ARFGAP3: variants seen among roughly 807,000 people sequenced by gnomAD.
ARFGAP3 encodes ADP-ribosylation factor GTPase-activating protein 3.
In ARFGAP3, 72 loss-of-function variants were observed where a neutral mutation model predicts 75.0. That is an observed-to-expected ratio of 0.96 (90% CI 0.79 to 1.17). ARFGAP3 has a LOEUF of 1.17. Ranked by LOEUF, ARFGAP3 falls within the 50% of genes most tolerant of loss-of-function variation. The pLI, the probability that ARFGAP3 is intolerant of heterozygous loss-of-function variation, is 0.00. For missense variants in ARFGAP3, 620 were observed against 626.6 expected (o/e 0.99, Z 0.11); for synonymous variants, 221 against 217.9 (o/e 1.01, Z -0.13).
intron 11 of ARFGAP3, among the ~76,000 whole-genome samples, chr22:42,812,211 T>G (rs1372174683): frequency 2.2e-4 from 16 of 73,388 alleles, no homozygotes; most frequent in Non-Finnish European, 1.9e-4. Context: ...GGTGACAGAG[T>G]GGGATACTGT....
intron 3 of ARFGAP3, among the ~76,000 whole-genome samples, chr22:42,836,263 A>G (rs1335990429): frequency 6.6e-6 from 1 of 152,100 alleles, no homozygotes; most frequent in African/African-American, 2.4e-5. Flanking sequence ...GGCGTGAGCC[A>G]CCGCTCCTGG....
In ARFGAP3 at chr22:42,799,165, A is replaced by G. The variant is rs377351161; in HGVS notation, c.1412-5T>C. 2.5e-6 allele frequency: 4 copies of G among 1,613,104 alleles called. No homozygotes were observed. The highest frequency in any genetic ancestry group is 3.4e-6 in the Non-Finnish European group (4 of 1,179,230). On this transcript the variant is annotated splice_polypyrimidine_tract_variant and splice_region_variant and intron_variant, in intron 14 of 15. Transcript: ENST00000263245. ...CACTGGACAGGCTGTAGTTCCCTGC[A>G]CACACACAGCAGACACTGTCTCATC...
rs565793487 is a variant in ARFGAP3 at position 42,857,222 on chromosome 22, G to A, written c.-40C>T. 4 of 1,497,124 alleles carry A rather than the reference G, an allele frequency of 2.7e-6. No individual in the cohort carries two copies. The African/African-American group carries it at 4.4e-5, about 16-fold the overall frequency. The allele number at this position is 1,497,124 out of a possible 1,614,324, so 92.7% of individuals were successfully genotyped here. On this transcript the variant is annotated 5_prime_UTR_variant, in exon 1 of 16. Transcript: ENST00000263245. ...CGCGGCGCAGCTGGCCCAGCCAACC[G>A]GTAAGAGTCGACGAAAAGCGGCTAC...
At chr22:42,806,925 A>T (rs1366278336) in intron 14 of ARFGAP3, 148 bp downstream of exon 14, 2 of 776,002 alleles carry the variant, frequency 2.6e-6, no homozygotes, top group African/African-American at 3.5e-5. Flanking sequence ...CTGGAATAGT[A>T]ACTTCTGCTC....
At chr22:42,825,931 A>G (rs957569510) in intron 7 of ARFGAP3, among the ~76,000 whole-genome samples, 2 of 152,198 alleles carry the variant, frequency 1.3e-5, no homozygotes, top group African/African-American at 4.8e-5. Flanking sequence ...AGAAACAGCA[A>G]AAGATAACAA....
chr22:42,814,687 T>TA (rs1925503546), intron 11 of ARFGAP3, among the ~76,000 whole-genome samples: 1 of 152,178 alleles, frequency 6.6e-6, no homozygotes, highest in African/African-American at 2.4e-5. Context: ...CAACCTCACT[T>TA]AGAGCTTTCT....
intron 14 of ARFGAP3, among the ~76,000 whole-genome samples, chr22:42,802,441 A>G (rs1257883085): frequency 6.7e-6 from 1 of 148,634 alleles, no homozygotes; most frequent in Non-Finnish European, 1.5e-5. Flanking sequence ...GCCCGCCACC[A>G]CGCCCAGATA....
intron 14 of ARFGAP3, among the ~76,000 whole-genome samples, chr22:42,801,048 G>A (rs754186315): frequency 6.6e-6 from 1 of 152,110 alleles, no homozygotes; most frequent in Non-Finnish European, 1.5e-5. Context: ...TGTGACCTGT[G>A]TCATCTGGAG....
chr22:42,807,801 CTT>C (rs111653734), intron 13 of ARFGAP3, among the ~76,000 whole-genome samples: 16 of 143,388 alleles, frequency 1.1e-4, no homozygotes, highest in South Asian at 2.3e-4. Context: ...ACATTTCTTT[CTT>C]TTTTTTTTTT....
At position 42,847,595 on chromosome 22, in the gene ARFGAP3, G is replaced by A; in HGVS notation, c.107C>T (p.Ala36Val). 6.2e-7 allele frequency: 1 copy of A among 1,612,796 alleles called. No individual in the cohort carries two copies. Among genetic ancestry groups the A allele is most frequent in the Non-Finnish European group, 8.5e-7 (1 of 1,179,454 alleles). ...AAGGAACACTCCATAGGTTATGCTT[G>A]CCCAGCTGGGATTTTTGGCACCACA... ...FDCGAKNPSWASITYGVFLCI... is the reference protein window; with the variant it reads ...FDCGAKNPSWVSITYGVFLCI... The change falls in exon 2 of 16, where the codon GCA (alanine) becomes GTA (valine). Residue 36 changes from alanine (A) to valine (V), a missense_variant. Ala to Val is a moderately conservative substitution (Grantham distance 64). Coordinates refer to ENST00000263245, the MANE Select transcript of ARFGAP3 (RefSeq NM_014570.5).
chr22:42,831,779 T>C (rs1926300808), intron 5 of ARFGAP3, 143 bp from the exon 6 acceptor site: 24 of 1,446,554 alleles, frequency 1.7e-5, no homozygotes, highest in Admixed American at 5.4e-5. Context: ...ATCTACTTTT[T>C]TCTTGCTTTC....
intron 7 of ARFGAP3, among the ~76,000 whole-genome samples, chr22:42,826,031 G>C (rs1466439546): frequency 6.6e-6 from 1 of 152,096 alleles, no homozygotes; most frequent in Non-Finnish European, 1.5e-5. Context: ...CTTTCTTTCA[G>C]ATTTGTATTG....
chr22:42,817,140 A>G lies in ARFGAP3; in HGVS notation c.1064+2T>C. 6.3e-7 allele frequency: 1 copy of G among 1,596,524 alleles called. No homozygotes were observed. The highest frequency in any genetic ancestry group is 8.6e-7 in the Non-Finnish European group (1 of 1,164,498). On this transcript the variant is annotated splice_donor_variant, in intron 11 of 15. Coordinates refer to ENST00000263245, the MANE Select transcript of ARFGAP3 (RefSeq NM_014570.5). LOFTEE classifies it high-confidence loss of function. Reference sequence around the variant, plus strand: ...CTTCAACGATGATTTGTAATACAGTACCTTGAGCTGGAAGTAAAATATGAA... The same window carrying G: ...CTTCAACGATGATTTGTAATACAGTGCCTTGAGCTGGAAGTAAAATATGAA...
At chr22:42,803,065 A>T (rs1259292409) in intron 14 of ARFGAP3, among the ~76,000 whole-genome samples, 1 of 152,234 alleles carries the variant, frequency 6.6e-6, no homozygotes, top group African/African-American at 2.4e-5. Context: ...GTGTGATCAC[A>T]GCTGACTGCA....
chr22:42,821,024 C>T (rs369862654), intron 9 of ARFGAP3, among the ~76,000 whole-genome samples: 3 of 152,092 alleles, frequency 2.0e-5, no homozygotes, highest in East Asian at 1.9e-4. Context: ...TCCACATTAT[C>T]GTTCCAACTC....
intron 14 of ARFGAP3, among the ~76,000 whole-genome samples, chr22:42,803,912 T>C: frequency 6.7e-6 from 1 of 148,358 alleles, no homozygotes; most frequent in Non-Finnish European, 1.5e-5. Context: ...TTTTTTTTTT[T>C]TTTTTTTTTG....
At chr22:42,846,898 A>C (rs74695072) in intron 2 of ARFGAP3, among the ~76,000 whole-genome samples, 2,698 of 152,346 alleles carry the variant, frequency 0.018, 89 homozygotes, top group African/African-American at 0.062. Context: ...AAAGAAAAGA[A>C]GTTGATTTCT....
At chr22:42,847,399 A>T (rs753798372) in intron 2 of ARFGAP3, 115 bp downstream of exon 2, 7 of 856,234 alleles carry the variant, frequency 8.2e-6, no homozygotes, top group Non-Finnish European at 1.3e-5. Flanking sequence ...TCCTGCAGCC[A>T]AGGTGACAGG....
intron 11 of ARFGAP3, among the ~76,000 whole-genome samples, 161 bp downstream of exon 11, chr22:42,816,981 T>G (rs996607412): frequency 6.6e-6 from 1 of 152,224 alleles, no homozygotes; most frequent in Non-Finnish European, 1.5e-5. Context: ...CAAACGTTTC[T>G]CTAATTTTTA....
Sources: allele counts gnomAD v4.1 joint callset (sites outside exome capture counted in the v4.1 genomes callset), GRCh38; gene constraint gnomAD v4.1.1; transcripts MANE v1.5; gene names NCBI Gene and HGNC (gene_info 2026-07-23, HGNC 2026-07-21).